The following LYPD6B variants were observed in gnomAD, a reference collection of about 807,000 sequenced individuals.
The protein encoded by LYPD6B is ly6/PLAUR domain-containing protein 6B.
LYPD6B carries 17 observed loss-of-function variants against 22.8 expected under a neutral mutation model. The observed-to-expected ratio is 0.75, with a 90% confidence interval of 0.51 to 1.12. The LOEUF is 1.12. LYPD6B is among the 50% of genes most tolerant of loss of function. LYPD6B has a pLI of 0.00. For missense variants in LYPD6B, 221 were observed against 258.3 expected (o/e 0.86, Z 0.99); for synonymous variants, 106 against 91.6 (o/e 1.16, Z -0.90).
rs184866713 is a variant in LYPD6B, at chr2:149,141,444, G to A, written c.5+10491G>A. Among the ~76,000 whole-genome samples, 450 of 152,174 alleles carry A rather than the reference G, an allele frequency of 3.0e-3. 7 individuals carry two copies. The highest frequency in any genetic ancestry group is 0.027 in the Admixed American group (408 of 15,280). On this transcript the variant is annotated intron_variant, in intron 2 of 6. Transcript: ENST00000409642. The stretch of plus-strand genomic sequence containing the variant: ...TTTGTTCTGTTATTCTGGAAATGTC[G>A]TTAGGAATTACATAGCAATGAATCA...
intron 1 of LYPD6B, among the ~76,000 whole-genome samples, chr2:149,041,298 C>A (rs1052436806): frequency 6.6e-6 from 1 of 152,092 alleles, no homozygotes; most frequent in Non-Finnish European, 1.5e-5. Context: ...CTTCTTTTTC[C>A]AGGGTGACTA....
intron 1 of LYPD6B, among the ~76,000 whole-genome samples, chr2:149,073,632 T>G (rs925322187): frequency 2.6e-5 from 4 of 151,946 alleles, no homozygotes; most frequent in African/African-American, 4.8e-5. Flanking sequence ...ACTCGGTGCT[T>G]TTGCTTATCC....
At chr2:149,109,136 C>T (rs79010486) in intron 1 of LYPD6B, among the ~76,000 whole-genome samples, 286 of 152,244 alleles carry the variant, frequency 1.9e-3, no homozygotes, top group African/African-American at 6.6e-3. Context: ...ATTTCTGGTA[C>T]TTTTCATTCC....
At chr2:149,162,362 G>T (rs370780389) in intron 3 of LYPD6B, among the ~76,000 whole-genome samples, 1 of 152,142 alleles carries the variant, frequency 6.6e-6, no homozygotes, top group Non-Finnish European at 1.5e-5. Context: ...GGAAACTGAG[G>T]CTTACCTAAG....
intron 3 of LYPD6B, among the ~76,000 whole-genome samples, chr2:149,175,382 C>T (rs1691221117): frequency 6.6e-6 from 1 of 152,018 alleles, no homozygotes; most frequent in Non-Finnish European, 1.5e-5. Context: ...AAATGGTACA[C>T]CTGTATAGGG....
At chr2:149,172,608 G>A (rs954213401) in intron 3 of LYPD6B, among the ~76,000 whole-genome samples, 3 of 152,202 alleles carry the variant, frequency 2.0e-5, no homozygotes, top group African/African-American at 7.2e-5. Flanking sequence ...CACTCATCAT[G>A]ATGGTCTGGG....
chr2:149,115,170 C>T (rs1266883452), intron 1 of LYPD6B, among the ~76,000 whole-genome samples: 1 of 152,150 alleles, frequency 6.6e-6, no homozygotes, highest in African/African-American at 2.4e-5. Flanking sequence ...AACTCCTGAC[C>T]TCAAGTGATC....
chr2:149,089,381 G>A (rs1242983968), intron 1 of LYPD6B, among the ~76,000 whole-genome samples: 2 of 152,062 alleles, frequency 1.3e-5, no homozygotes, highest in African/African-American at 2.4e-5. Flanking sequence ...GGATTAGCTG[G>A]GTCTGCAGGT....
chr2:149,107,475 G>A (rs1445238774), intron 1 of LYPD6B, among the ~76,000 whole-genome samples: 3 of 152,186 alleles, frequency 2.0e-5, no homozygotes, highest in Admixed American at 1.3e-4. Context: ...GTGAACCTGA[G>A]GATAAGGGGG....
chr2:149,213,652 AT>A (rs1694014267), intron 6 of LYPD6B, among the ~76,000 whole-genome samples: 1 of 152,182 alleles, frequency 6.6e-6, no homozygotes. Context: ...AGGTTTTAGA[AT>A]TTGATTTACC....
Position 149,066,319 on chromosome 2 carries a change from CT to C in LYPD6B, c.-67+27519del, listed in dbSNP as rs892542538. ...TTAGATATATCTCCTAATGCTATCCCTCCCCCGTCCCCCCACCCCACAACAG... is the reference window on the plus strand; with the variant it reads ...TTAGATATATCTCCTAATGCTATCCCCCCCCGTCCCCCCACCCCACAACAG... On this transcript the variant is annotated intron_variant, in intron 1 of 6. Transcript: ENST00000409642. Among the ~76,000 whole-genome samples, 11 of 152,082 alleles carry C rather than the reference CT, an allele frequency of 7.2e-5. No individual in the cohort carries two copies. The South Asian group carries it at 2.1e-3, about 29-fold the overall frequency.
intron 1 of LYPD6B, among the ~76,000 whole-genome samples, chr2:149,072,058 A>G (rs1684629195): frequency 6.6e-6 from 1 of 151,896 alleles, no homozygotes; most frequent in African/African-American, 2.4e-5. Flanking sequence ...CAGCCTCCTG[A>G]GTAGTTGGGA....
At chr2:149,102,637 T>C (rs1375586145) in intron 1 of LYPD6B, among the ~76,000 whole-genome samples, 2 of 152,144 alleles carry the variant, frequency 1.3e-5, no homozygotes, top group Non-Finnish European at 2.9e-5. Context: ...TTTGTTTTTG[T>C]TTTTTGTTTT....
chr2:149,118,937 G>C (rs902484256), intron 1 of LYPD6B, among the ~76,000 whole-genome samples: 4 of 152,120 alleles, frequency 2.6e-5, no homozygotes, highest in Non-Finnish European at 5.9e-5. Context: ...TACCTGGAAG[G>C]ATCTGTCAAA....
intron 2 of LYPD6B, among the ~76,000 whole-genome samples, chr2:149,149,126 A>G (rs566308121): frequency 1.3e-5 from 2 of 152,304 alleles, no homozygotes; most frequent in East Asian, 3.9e-4. Flanking sequence ...GAGTTACGCA[A>G]GAATGACCAG....
At chr2:149,075,409 T>A (rs1684837290) in intron 1 of LYPD6B, among the ~76,000 whole-genome samples, 1 of 152,338 alleles carries the variant, frequency 6.6e-6, no homozygotes, top group African/African-American at 2.4e-5. Context: ...TTGCAGTGTG[T>A]ATATTTTACT....
In LYPD6B at chr2:149,190,707, A is replaced by G. The variant is rs183526963; in HGVS notation, c.78-14546A>G. Among the ~76,000 whole-genome samples, 1,130 of 152,254 alleles carry G rather than the reference A, an allele frequency of 7.4e-3. 8 individuals carry two copies. Among genetic ancestry groups the G allele is most frequent in the Middle Eastern group, 0.014 (4 of 294 alleles). On this transcript the variant is annotated intron_variant, in intron 3 of 6. Transcript: ENST00000409642. ...GCCATTTGGTGGATTTTTCTATGAAATGTGTATTAATTTTCTTTGCCAATT... is the reference window on the plus strand; with the variant it reads ...GCCATTTGGTGGATTTTTCTATGAAGTGTGTATTAATTTTCTTTGCCAATT...
chr2:149,192,293 C>T (rs1052189322), intron 3 of LYPD6B, among the ~76,000 whole-genome samples: 12 of 152,016 alleles, frequency 7.9e-5, no homozygotes, highest in Admixed American at 3.3e-4. Context: ...ATATTTTTGT[C>T]GGGAAGAAAC....
chr2:149,051,046 T>C (rs1683528367), intron 1 of LYPD6B, among the ~76,000 whole-genome samples: 1 of 151,810 alleles, frequency 6.6e-6, no homozygotes, highest in Non-Finnish European at 1.5e-5. Context: ...TATATGTATA[T>C]ATTTATACAT....
Sources: allele counts gnomAD v4.1 joint callset (sites outside exome capture counted in the v4.1 genomes callset), GRCh38; gene constraint gnomAD v4.1.1; transcripts MANE v1.5; gene names NCBI Gene and HGNC (gene_info 2026-07-23, HGNC 2026-07-21).